Variants in ITGA1 observed in about 807,000 individuals in gnomAD.
The protein encoded by ITGA1 is integrin subunit alpha 1, also known as integrin alpha-1.
In ITGA1, 85 loss-of-function variants were observed where a neutral mutation model predicts 145.9. The observed-to-expected ratio is 0.58, with a 90% CI of 0.49 to 0.70. ITGA1 has a LOEUF of 0.70. Among genes scored for constraint, ITGA1 ranks in the 30% least tolerant of loss-of-function variants. The pLI is 0.00. For synonymous variants in ITGA1, 520 were observed against 495.3 expected (o/e 1.05, Z -0.66); for missense variants, 1,351 against 1,418.7 (o/e 0.95, Z 0.77).
At position 52,865,815 on chromosome 5, in the gene ITGA1, C is replaced by A; in HGVS notation, c.622C>A (p.Gln208Lys). ...AATGGATATTGGTCCTAAACAGACA[C>A]AGGTATGTGACTTTGTGTTTTGATT... ...ERMDIGPKQT[Q>K]VGIVQYGENV... is the part of the protein sequence containing the mutation. The change falls in exon 6 of 29, where the codon CAG (glutamine) becomes AAG (lysine). Residue 208 changes from glutamine to lysine, a missense_variant and splice_region_variant. Coordinates refer to ENST00000282588, the MANE Select transcript of ITGA1 (RefSeq NM_181501.2). 1 of 1,577,892 alleles carries A rather than the reference C, an allele frequency of 6.3e-7. No homozygotes were observed. The highest frequency in any genetic ancestry group is 8.6e-7 in the Non-Finnish European group (1 of 1,167,566).
At chr5:52,923,158 G>A (rs1365024014) in intron 18 of ITGA1, among the ~76,000 whole-genome samples, 1 of 152,172 alleles carries the variant, frequency 6.6e-6, no homozygotes, top group Non-Finnish European at 1.5e-5. Flanking sequence ...CATGTCCAGA[G>A]AGGAACTCCA....
chr5:52,849,411 A>T lies in ITGA1; in HGVS notation c.108A>T (p.Ser36=). The T allele has an allele frequency of 1.2e-6, 2 of 1,612,370 alleles. No homozygotes were observed. The highest frequency in any genetic ancestry group is 2.2e-5 in the South Asian group (2 of 90,948). Residue 36 remains serine, a synonymous_variant, in exon 2 of 29, where the codon TCA becomes TCT. Transcript: ENST00000282588. ...CATTCAATGTTGATGTGAAAAATTCAATGACTTTCAGCGGCCCGGTGGAAG... is the reference window on the plus strand; with the variant it reads ...CATTCAATGTTGATGTGAAAAATTCTATGACTTTCAGCGGCCCGGTGGAAG... ...CVSFNVDVKN[S]MTFSGPVEDM...
At chr5:52,914,513 GT>G (rs1206741651) in intron 14 of ITGA1, among the ~76,000 whole-genome samples, 1 of 151,772 alleles carries the variant, frequency 6.6e-6, no homozygotes, top group Non-Finnish European at 1.5e-5. Flanking sequence ...GCGCGCACCT[GT>G]AATCCCAGCT....
At position 52,946,121 on chromosome 5, in the gene ITGA1, A is replaced by G. The variant is rs1018023240; in HGVS notation, c.3378+1086A>G. On this transcript the variant is annotated intron_variant, in intron 27 of 28. Coordinates refer to ENST00000282588, the MANE Select transcript of ITGA1 (RefSeq NM_181501.2). The stretch of plus-strand genomic sequence containing the variant: ...ATCCTAAAGGAAAAATTATATCTAT[A>G]TTGATAAAATTACTAAAAGTGATCA... Among the ~76,000 whole-genome samples the G allele has an allele frequency of 5.9e-5, 9 of 152,352 alleles. 1 individual carries two copies. In the Middle Eastern group the frequency reaches 0.024, roughly 403 times the overall value.
chr5:52,919,901 A>G (rs897247620), intron 16 of ITGA1, among the ~76,000 whole-genome samples: 10 of 152,148 alleles, frequency 6.6e-5, no homozygotes, highest in African/African-American at 2.4e-4. Context: ...ATTAAAATGT[A>G]TATATTTGTA....
At chr5:52,836,875 C>G (rs899091424) in intron 1 of ITGA1, among the ~76,000 whole-genome samples, 1 of 152,076 alleles carries the variant, frequency 6.6e-6, no homozygotes, top group African/African-American at 2.4e-5. Flanking sequence ...TATCCTGTTA[C>G]TACGTCTTCA....
intron 1 of ITGA1, among the ~76,000 whole-genome samples, chr5:52,834,641 GAAAGAAAGAA>G (rs1200912715): frequency 1.4e-5 from 2 of 141,722 alleles, no homozygotes; most frequent in Non-Finnish European, 3.0e-5. Context: ...AAGAAAGACA[GAAAGAAAGAA>G]AAAGAAAGAG....
At chr5:52,876,993 G>T (rs566518576) in intron 6 of ITGA1, among the ~76,000 whole-genome samples, 2 of 152,236 alleles carry the variant, frequency 1.3e-5, no homozygotes, top group South Asian at 2.1e-4. Flanking sequence ...GAAGATGGGG[G>T]TGAATGGAGA....
intron 6 of ITGA1, among the ~76,000 whole-genome samples, chr5:52,872,844 C>G (rs1173920294): frequency 6.6e-6 from 1 of 152,182 alleles, no homozygotes; most frequent in East Asian, 1.9e-4. Context: ...CTATGATTAT[C>G]CTACCCACTG....
chr5:52,906,797 C>T lies in ITGA1; in HGVS notation c.1455+889C>T, dbSNP rs769911036. Among the ~76,000 whole-genome samples, 31 of 152,074 alleles carry T rather than the reference C, an allele frequency of 2.0e-4. 1 individual carries two copies. The highest frequency in any genetic ancestry group is 5.9e-4 in the Admixed American group (9 of 15,270). On this transcript the variant is annotated intron_variant, in intron 12 of 28. Coordinates refer to ENST00000282588, the MANE Select transcript of ITGA1 (RefSeq NM_181501.2). ...ACTAGAGGGGCAGGACTGCATCAGC[C>T]CTCCTGCTCTGCAAGAGTCCAAGCT...
At position 52,794,843 on chromosome 5, in the gene ITGA1, T is replaced by C. The variant is rs186168952; in HGVS notation, c.61+6429T>C. On this transcript the variant is annotated intron_variant, in intron 1 of 28. Transcript: ENST00000282588. ...TGCGTTTATCACTAGATATTCATAATTGGAGCTCTGGCTTCTTATTTTGTA... is the reference window on the plus strand; with the variant it reads ...TGCGTTTATCACTAGATATTCATAACTGGAGCTCTGGCTTCTTATTTTGTA... 5.7e-3 allele frequency among the ~76,000 whole-genome samples: 865 copies of C among 152,110 alleles called. 8 individuals are homozygous for C. Among genetic ancestry groups the C allele is most frequent in the Middle Eastern group, 0.014 (4 of 294 alleles).
At chr5:52,893,864 G>A (rs746561918) in intron 9 of ITGA1, 24 bp downstream of exon 9, 4 of 1,562,060 alleles carry the variant, frequency 2.6e-6, no homozygotes, top group South Asian at 1.2e-5. Context: ...TCTTATTGCT[G>A]CATGTTCTCT....
chr5:52,887,689 A>G (rs1397540998), intron 7 of ITGA1, 126 bp from the exon 8 acceptor site: 2 of 775,662 alleles, frequency 2.6e-6, no homozygotes, highest in African/African-American at 3.5e-5. Flanking sequence ...AATGATGGGC[A>G]TTGATGCTAA....
chr5:52,911,845 T>G (rs1385083372), intron 14 of ITGA1, among the ~76,000 whole-genome samples: 2 of 137,354 alleles, frequency 1.5e-5, no homozygotes, highest in African/African-American at 5.3e-5. Context: ...ATATGGTGTA[T>G]CTATATACAC....
At chr5:52,875,508 CTT>C (rs1320044037) in intron 6 of ITGA1, among the ~76,000 whole-genome samples, 2 of 152,112 alleles carry the variant, frequency 1.3e-5, no homozygotes, top group African/African-American at 4.8e-5. Context: ...TTTTGTTCTA[CTT>C]AATCAAGAGG....
At chr5:52,853,219 A>C (rs1350460102) in intron 2 of ITGA1, among the ~76,000 whole-genome samples, 1 of 152,194 alleles carries the variant, frequency 6.6e-6, no homozygotes, top group Non-Finnish European at 1.5e-5. Flanking sequence ...CAAATACCTA[A>C]ATTTCCAAAC....
intron 1 of ITGA1, among the ~76,000 whole-genome samples, chr5:52,793,008 T>C (rs2111643794): frequency 6.6e-6 from 1 of 152,178 alleles, no homozygotes; most frequent in East Asian, 1.9e-4. Flanking sequence ...TACTCTAAAG[T>C]CTCCTTGGGG....
chr5:52,927,493 C>A, intron 19 of ITGA1, 91 bp from the exon 20 acceptor site: 1 of 827,760 alleles, frequency 1.2e-6, no homozygotes, highest in Non-Finnish European at 2.0e-6. Context: ...GCAAGGCAGT[C>A]ACCAAGACAC....
chr5:52,955,644 C>A lies in ITGA1; in HGVS notation c.*3193C>A, dbSNP rs1056478955. 1 of 151,940 alleles carries A rather than the reference C, an allele frequency of 6.6e-6. No homozygotes were observed. Among genetic ancestry groups the A allele is most frequent in the South Asian group, 2.1e-4 (1 of 4,810 alleles). 9.4% of individuals were successfully genotyped at this position (151,940 alleles called of 1,614,324 possible). ...GGGTGATCCACAGTGAAAATCAGAC[C>A]TACACAAGCCACAAAAAAATTGTCT... On this transcript the variant is annotated 3_prime_UTR_variant, in exon 29 of 29. Coordinates refer to ENST00000282588, the MANE Select transcript of ITGA1 (RefSeq NM_181501.2).
Sources: allele counts gnomAD v4.1 joint callset (sites outside exome capture counted in the v4.1 genomes callset), GRCh38; gene constraint gnomAD v4.1.1; transcripts MANE v1.5; gene names NCBI Gene and HGNC (gene_info 2026-07-23, HGNC 2026-07-21).